The following TRIM2 variants were observed in gnomAD, a reference collection of about 807,000 sequenced individuals.
The protein encoded by TRIM2 is tripartite motif-containing protein 2.
In TRIM2, 20 loss-of-function variants were observed where a neutral mutation model predicts 75.2. The observed-to-expected ratio is 0.27, with a 90% CI of 0.19 to 0.39. TRIM2 has a LOEUF of 0.39. Among genes scored for constraint, TRIM2 ranks in the 10% least tolerant of loss-of-function variants. The pLI is 1.00. For synonymous variants in TRIM2, 373 were observed against 388.3 expected, an observed-to-expected ratio of 0.96 and a Z score of 0.46; for missense variants, 660 against 990.8, an observed-to-expected ratio of 0.67 and a Z score of 4.48.
intron 6 of TRIM2, chr4:153,310,376 CAG>C (rs1462301492): frequency 3.9e-5 from 6 of 152,110 alleles, no homozygotes; most frequent in Non-Finnish European, 8.8e-5. Flanking sequence ...ACAAATGAAA[CAG>C]AATTTACTGA....
chr4:153,161,091 C>A (rs1729696691), intron 1 of TRIM2, among the ~76,000 whole-genome samples: 1 of 152,136 alleles, frequency 6.6e-6, no homozygotes, highest in African/African-American at 2.4e-5. Flanking sequence ...CTTTGGACAC[C>A]CATTTACTGC....
chr4:153,208,872 T>C lies in TRIM2; in HGVS notation c.30+4312T>C, dbSNP rs145364057. Among the ~76,000 whole-genome samples the C allele has an allele frequency of 3.3e-5, 5 of 152,242 alleles. No homozygotes were observed. The East Asian group carries it at 9.7e-4, about 29-fold the overall frequency. ...TTACAATTTCCATACATTACAAAAG[T>C]GTGAGCCTGCAAGGCAAGGTCTGGA... is the stretch of plus-strand genomic sequence containing the variant. On this transcript the variant is annotated intron_variant, in intron 1 of 11. Transcript: ENST00000338700.
chr4:153,238,321 C>T (rs1364335196), intron 1 of TRIM2, among the ~76,000 whole-genome samples: 1 of 152,188 alleles, frequency 6.6e-6, no homozygotes, highest in African/African-American at 2.4e-5. Flanking sequence ...ATTAATAAAG[C>T]ATGACACATG....
intron 10 of TRIM2, among the ~76,000 whole-genome samples, chr4:153,325,355 A>T (rs1176448185): frequency 6.6e-6 from 1 of 152,178 alleles, no homozygotes; most frequent in Non-Finnish European, 1.5e-5. Flanking sequence ...CTCTCCAGAG[A>T]TGCTCACATG....
Position 153,285,507 on chromosome 4 carries a change from T to A in TRIM2, c.454-7475T>A, listed in dbSNP as rs531796755. Among the ~76,000 whole-genome samples the A allele has an allele frequency of 3.4e-4, 52 of 152,234 alleles. No homozygotes were observed. The South Asian group carries it at 5.0e-3, about 15-fold the overall frequency. On this transcript the variant is annotated intron_variant, in intron 3 of 11. Transcript: ENST00000338700. ...TGATAATATTGTAAATGGATTTTTT[T>A]AAAAAAATAGAGATAGGTCTCACTA...
At chr4:153,221,983 GAA>G (rs1220392327) in intron 1 of TRIM2, among the ~76,000 whole-genome samples, 1 of 45,822 alleles carries the variant, frequency 2.2e-5, no homozygotes. Context: ...AGGAAGGAAG[GAA>G]GGGAGAGAGG....
At chr4:153,187,436 G>A (rs1732715403) in intron 1 of TRIM2, among the ~76,000 whole-genome samples, 1 of 152,196 alleles carries the variant, frequency 6.6e-6, no homozygotes, top group Non-Finnish European at 1.5e-5. Context: ...CATGGCAGAG[G>A]GAAGAGGTGC....
chr4:153,336,092 A>G lies in TRIM2; in HGVS notation c.*1126A>G, dbSNP rs986572425. 6.1e-6 allele frequency: 6 copies of G among 984,186 alleles called. No individual in the cohort carries two copies. In the Admixed American group the frequency reaches 3.1e-4, roughly 51 times the overall value. The allele number at this position is 984,186 out of a possible 1,614,324, so 61.0% of individuals were successfully genotyped here. ...AGAGGTGTCAAGGGACTATGTATACATGATTAGGGTAAGATAGAATGTATT... is the reference window on the plus strand; with the variant it reads ...AGAGGTGTCAAGGGACTATGTATACGTGATTAGGGTAAGATAGAATGTATT... On this transcript the variant is annotated 3_prime_UTR_variant, in exon 12 of 12. Coordinates refer to ENST00000338700, the MANE Select transcript of TRIM2 (RefSeq NM_015271.5).
At chr4:153,332,016 A>G (rs1035162019) in intron 11 of TRIM2, among the ~76,000 whole-genome samples, 1 of 152,248 alleles carries the variant, frequency 6.6e-6, no homozygotes, top group Non-Finnish European at 1.5e-5. Flanking sequence ...TAACTGTAAA[A>G]TGTAAAACTA....
At chr4:153,332,123 A>G (rs948859061) in intron 11 of TRIM2, among the ~76,000 whole-genome samples, 1 of 152,222 alleles carries the variant, frequency 6.6e-6, no homozygotes, top group African/African-American at 2.4e-5. Flanking sequence ...GTTTTTAGAC[A>G]TAATACCCAA....
chr4:153,241,220 G>T (rs1358020375), intron 1 of TRIM2, among the ~76,000 whole-genome samples: 1 of 152,200 alleles, frequency 6.6e-6, no homozygotes, highest in East Asian at 1.9e-4. Context: ...ATAACAAGTA[G>T]TTCTGAGGTG....
At chr4:153,302,424 G>T (rs993158002) in intron 6 of TRIM2, among the ~76,000 whole-genome samples, 1 of 152,148 alleles carries the variant, frequency 6.6e-6, no homozygotes, top group Non-Finnish European at 1.5e-5. Flanking sequence ...CTGACAGTTT[G>T]GGATGATAGA....
intron 1 of TRIM2, among the ~76,000 whole-genome samples, chr4:153,253,625 G>A (rs569732488): frequency 6.6e-6 from 1 of 152,272 alleles, no homozygotes; most frequent in East Asian, 1.9e-4. Flanking sequence ...TAAGTCATAG[G>A]ATGAGATAGG....
chr4:153,252,215 A>T (rs922369215), intron 1 of TRIM2, among the ~76,000 whole-genome samples: 1 of 152,124 alleles, frequency 6.6e-6, no homozygotes, highest in East Asian at 1.9e-4. Flanking sequence ...TGCCTCTTCT[A>T]GTTGGTTATA....
rs532517430 is a variant in TRIM2, at chr4:153,249,258, C to T, written c.31-21077C>T. On this transcript the variant is annotated intron_variant, in intron 1 of 11. Coordinates refer to ENST00000338700, the MANE Select transcript of TRIM2 (RefSeq NM_015271.5). ...AATCGCCATCTGGGTGGAGGGGACC[C>T]GCCTTCTTTTCTTCCGCCTGAGCGC... Among the ~76,000 whole-genome samples, 7 of 152,366 alleles carry T rather than the reference C, an allele frequency of 4.6e-5. No individual in the cohort carries two copies. In the East Asian group the frequency reaches 1.4e-3, roughly 29 times the overall value.
chr4:153,183,744 G>C (rs1560792623), intron 1 of TRIM2, among the ~76,000 whole-genome samples: 1 of 152,230 alleles, frequency 6.6e-6, no homozygotes, highest in East Asian at 1.9e-4. Context: ...TGGAGTGCAG[G>C]GGCTTTGCTA....
chr4:153,262,664 T>C (rs1281486451), intron 1 of TRIM2, among the ~76,000 whole-genome samples: 1 of 152,218 alleles, frequency 6.6e-6, no homozygotes, highest in Non-Finnish European at 1.5e-5. Context: ...AATTCTAACC[T>C]TGTGGCTGAT....
intron 1 of TRIM2, among the ~76,000 whole-genome samples, chr4:153,163,748 C>T (rs1171804358): frequency 6.6e-6 from 1 of 151,622 alleles, no homozygotes; most frequent in African/African-American, 2.4e-5. Flanking sequence ...GTGATCTGCC[C>T]GCCTCGGCCT....
intron 6 of TRIM2, among the ~76,000 whole-genome samples, chr4:153,301,084 G>C (rs566345070): frequency 6.6e-6 from 1 of 151,762 alleles, no homozygotes; most frequent in African/African-American, 2.4e-5. Context: ...CCAGCTACTC[G>C]GGAGGCTGAG....
Sources: gnomAD v4.1 joint callset for allele counts (sites outside exome capture counted in the v4.1 genomes callset) on GRCh38, gnomAD v4.1.1 for gene constraint, MANE v1.5 for transcripts, NCBI Gene and HGNC (gene_info 2026-07-23, HGNC 2026-07-21) for gene names.